The following ZC3H3 variants were observed in gnomAD, a reference collection of about 807,000 sequenced individuals.
ZC3H3 encodes zinc finger CCCH-type containing 3.
Under a neutral mutation model 77.3 loss-of-function variants are expected in ZC3H3, and 36 were observed. That is an observed-to-expected ratio of 0.47 (90% CI 0.36 to 0.61). The LOEUF (loss-of-function observed/expected upper bound fraction) is 0.61, where lower values mean the gene tolerates loss of function less well. ZC3H3 is among the 20% of genes least tolerant of loss of function. ZC3H3 has a pLI of 0.00. For missense variants in ZC3H3, 1,331 were observed against 1,312.2 expected (o/e 1.01, Z -0.22); for synonymous variants, 626 against 555.2 (o/e 1.13, Z -1.79).
At chr8:143,529,113 G>A (rs1190979862) in intron 3 of ZC3H3, among the ~76,000 whole-genome samples, 1 of 152,214 alleles carries the variant, frequency 6.6e-6, no homozygotes, top group Non-Finnish European at 1.5e-5. Context: ...TAAGGGTGGG[G>A]GACGGGCCTG....
chr8:143,521,560 G>A (rs1008239170), intron 3 of ZC3H3, among the ~76,000 whole-genome samples: 3 of 152,322 alleles, frequency 2.0e-5, no homozygotes, highest in Non-Finnish European at 2.9e-5. Flanking sequence ...AACAAGCCAC[G>A]CCTGCAACCC....
rs769596647 is a variant in ZC3H3 at position 143,460,180 on chromosome 8, G to A, written c.2307+5537C>T. Among the ~76,000 whole-genome samples the A allele has an allele frequency of 7.9e-4, 120 of 151,776 alleles. No individual in the cohort carries two copies. The highest frequency in any genetic ancestry group is 9.9e-4 in the Admixed American group (15 of 15,210). On this transcript the variant is annotated intron_variant, in intron 9 of 11. Coordinates refer to ENST00000262577, the MANE Select transcript of ZC3H3 (RefSeq NM_015117.3). This position sits in a 1 kb window ranked among gnomAD's most constrained non-coding sequence, Gnocchi z 4.0. ...GGAGAATCACTCGAACCCGGGAGGC[G>A]GAAGTTGCAGTGAGCCGAGATCATG...
At chr8:143,531,502 G>T (rs1324941201) in intron 3 of ZC3H3, among the ~76,000 whole-genome samples, 1 of 152,206 alleles carries the variant, frequency 6.6e-6, no homozygotes, top group Non-Finnish European at 1.5e-5. Flanking sequence ...TCAGTCCCCA[G>T]GCGTGAGCGG....
At chr8:143,472,506 G>C (rs1046456337) in intron 5 of ZC3H3, among the ~76,000 whole-genome samples, 2 of 152,174 alleles carry the variant, frequency 1.3e-5, no homozygotes, top group African/African-American at 4.8e-5. Flanking sequence ...CCCCACTGCT[G>C]AGCGGGCCAG....
At chr8:143,523,254 C>G in intron 3 of ZC3H3, 1 of 957,812 alleles carries the variant, frequency 1.0e-6, no homozygotes, top group Non-Finnish European at 1.2e-6. Context: ...ACACAACCCT[C>G]CAGGCTTGCT....
Position 143,460,997 on chromosome 8 carries a change from T to A in ZC3H3, c.2307+4720A>T, listed in dbSNP as rs1452029598. Among the ~76,000 whole-genome samples, 2 of 152,138 alleles carry A rather than the reference T, an allele frequency of 1.3e-5. No individual in the cohort carries two copies. On this transcript the variant is annotated intron_variant, in intron 9 of 11. Transcript: ENST00000262577. This position sits in a 1 kb window ranked among gnomAD's most constrained non-coding sequence, Gnocchi z 4.0. ...CATTGCTGAATACTCAGTGTTTCTG[T>A]CAGGAGTGAGGAAAACATTTTGGAA...
At chr8:143,501,839 G>A (rs1445327077) in intron 4 of ZC3H3, among the ~76,000 whole-genome samples, 1 of 152,210 alleles carries the variant, frequency 6.6e-6, no homozygotes, top group Non-Finnish European at 1.5e-5. Flanking sequence ...TCCTCTGACT[G>A]GCACACCCTT....
intron 8 of ZC3H3, among the ~76,000 whole-genome samples, chr8:143,466,864 T>G (rs1820422483): frequency 6.6e-6 from 1 of 152,172 alleles, no homozygotes; most frequent in Non-Finnish European, 1.5e-5. Context: ...TGCTCAGAGC[T>G]GCTGGGGCCT....
rs1822700369 is a variant in ZC3H3 at position 143,533,816 on chromosome 8, C to T, written c.1561+2441G>A. On this transcript the variant is annotated intron_variant, in intron 3 of 11. Transcript: ENST00000262577. The surrounding 1 kb of genome is among the most constrained non-coding windows in gnomAD (Gnocchi z 4.0). The stretch of plus-strand genomic sequence containing the variant: ...TCAGCCTCCCGAGTAGATGGGATTA[C>T]AGACGCTCGCCACCACACCCAGCTA... 6.6e-6 allele frequency among the ~76,000 whole-genome samples: 1 copy of T among 151,572 alleles called. No individual in the cohort carries two copies. The highest frequency in any genetic ancestry group is 2.4e-5 in the African/African-American group (1 of 41,280).
intron 4 of ZC3H3, among the ~76,000 whole-genome samples, chr8:143,504,422 A>G (rs1422750987): frequency 6.6e-6 from 1 of 152,210 alleles, no homozygotes; most frequent in Non-Finnish European, 1.5e-5. Context: ...TCACTGCGGC[A>G]GCCTGTGTTA....
chr8:143,540,808 T>C (rs1350076045), intron 1 of ZC3H3, among the ~76,000 whole-genome samples: 6 of 152,060 alleles, frequency 3.9e-5, no homozygotes, highest in Admixed American at 1.3e-4. Flanking sequence ...ATACAAAAAT[T>C]AGCCAGGCGT....
intron 4 of ZC3H3, among the ~76,000 whole-genome samples, chr8:143,477,296 C>G (rs1364643689): frequency 6.6e-6 from 1 of 152,240 alleles, no homozygotes. Flanking sequence ...TTCAAGTTCA[C>G]AAACACCAAT....
chr8:143,500,165 C>T (rs1400923096), intron 4 of ZC3H3, among the ~76,000 whole-genome samples: 1 of 152,268 alleles, frequency 6.6e-6, no homozygotes, highest in Non-Finnish European at 1.5e-5. Context: ...GGCCTCAGCA[C>T]ATCCGGCAGC....
chr8:143,535,826 T>C (rs961613077), intron 3 of ZC3H3, among the ~76,000 whole-genome samples: 41 of 152,336 alleles, frequency 2.7e-4, no homozygotes, highest in Admixed American at 2.5e-3. Context: ...CACAGTACCA[T>C]GTGACACTCA....
intron 3 of ZC3H3, among the ~76,000 whole-genome samples, chr8:143,531,055 A>G (rs1822589912): frequency 6.7e-6 from 1 of 149,954 alleles, no homozygotes; most frequent in Admixed American, 6.7e-5. Context: ...AACCTCCCAG[A>G]CCTAAGCAAT....
Position 143,470,342 on chromosome 8 carries a change from T to C in ZC3H3, c.1904-1683A>G, listed in dbSNP as rs566754437. Among the ~76,000 whole-genome samples the C allele has an allele frequency of 3.3e-5, 5 of 151,876 alleles. No individual in the cohort carries two copies. The East Asian group carries it at 5.8e-4, about 18-fold the overall frequency. Reference sequence around the variant, plus strand: ...GGTACCTGGGGCAGGAAAGGGGGCGTTGAAGAACGCAGAAACCTGAGGCGT... The same window carrying C: ...GGTACCTGGGGCAGGAAAGGGGGCGCTGAAGAACGCAGAAACCTGAGGCGT... On this transcript the variant is annotated intron_variant, in intron 5 of 11. Coordinates refer to ENST00000262577, the MANE Select transcript of ZC3H3 (RefSeq NM_015117.3).
chr8:143,460,794 T>C lies in ZC3H3; in HGVS notation c.2307+4923A>G, dbSNP rs1157849981. Among the ~76,000 whole-genome samples, 2 of 152,166 alleles carry C rather than the reference T, an allele frequency of 1.3e-5. No individual in the cohort carries two copies. The highest frequency in any genetic ancestry group is 2.9e-5 in the Non-Finnish European group (2 of 68,030). The stretch of plus-strand genomic sequence containing the variant: ...AAGATGCCAGACACCAAAGGACAGA[T>C]GCTGGATGATTCCACTGACGGGACA... On this transcript the variant is annotated intron_variant, in intron 9 of 11. Transcript: ENST00000262577. The surrounding 1 kb of genome is among the most constrained non-coding windows in gnomAD (Gnocchi z 4.0).
At chr8:143,448,228 C>T (rs532055059) in intron 9 of ZC3H3, among the ~76,000 whole-genome samples, 160 of 152,024 alleles carry the variant, frequency 1.1e-3, no homozygotes, top group Middle Eastern at 0.01. Flanking sequence ...ACCGCTTGAA[C>T]CTGGGAGGCA....
intron 1 of ZC3H3, among the ~76,000 whole-genome samples, chr8:143,539,684 T>C (rs982054728): frequency 3.0e-4 from 45 of 152,196 alleles, no homozygotes; most frequent in African/African-American, 1.1e-3. Context: ...CCCTCTGCAC[T>C]GTTTGAATCA....
Sources: gnomAD v4.1 joint callset for allele counts (sites outside exome capture counted in the v4.1 genomes callset) on GRCh38, gnomAD v4.1.1 for gene constraint, Gnocchi (gnomAD v3.1) non-coding constraint, MANE v1.5 for transcripts, NCBI Gene and HGNC (gene_info 2026-07-23, HGNC 2026-07-21) for gene names.